HS1BP3: variants seen among roughly 807,000 people sequenced by gnomAD.
HS1BP3 encodes the protein HCLS1-binding protein 3.
In HS1BP3, 32 loss-of-function variants were observed where a neutral mutation model predicts 33.5. That is an observed-to-expected ratio of 0.95 (90% CI 0.72 to 1.28). The LOEUF (loss-of-function observed/expected upper bound fraction) is 1.28. Ranked by LOEUF, HS1BP3 falls within the 50% of genes most tolerant of loss-of-function variation. The pLI is 0.00. For missense variants in HS1BP3, 486 were observed against 502.3 expected (o/e 0.97, Z 0.31); for synonymous variants, 187 against 209.2 (o/e 0.89, Z 0.92).
At chr2:20,558,259 G>T (rs1157752551), downstream of HS1BP3, among the ~76,000 whole-genome samples, 2 of 152,194 alleles carry the variant, frequency 1.3e-5, no homozygotes, top group African/African-American at 4.8e-5. Flanking sequence ...GTTGACGGTG[G>T]GTGGGGAAGG....
intron 3 of HS1BP3, among the ~76,000 whole-genome samples, chr2:20,596,127 C>T (rs1693937665): frequency 6.6e-6 from 1 of 152,164 alleles, no homozygotes; most frequent in African/African-American, 2.4e-5. Context: ...ATTTCTAAAG[C>T]TCTCACAACT....
chr2:20,592,668 C>G (rs760122410), exon 4 of HS1BP3: 1 of 152,448 alleles, frequency 6.6e-6, no homozygotes, highest in Non-Finnish European at 1.5e-5. Context: ...ACCCTGCGCC[C>G]TCAGAGGGTC....
the HS1BP3 span, among the ~76,000 whole-genome samples, chr2:20,555,385 T>A: frequency 6.6e-6 from 1 of 152,180 alleles, no homozygotes; most frequent in Non-Finnish European, 1.5e-5. Context: ...CAGAAATGAT[T>A]AAGAATGACA....
chr2:20,574,890 C>T (rs1693363162), intron 5 of HS1BP3, among the ~76,000 whole-genome samples: 1 of 152,164 alleles, frequency 6.6e-6, no homozygotes, highest in Non-Finnish European at 1.5e-5. Context: ...ATCTACTAAC[C>T]GTGGAACTGT....
intron 3 of HS1BP3, chr2:20,598,126 C>T (rs13406282): frequency 0.016 from 3,115 of 190,260 alleles, 106 homozygotes; most frequent in African/African-American, 0.069. Flanking sequence ...TTCGGGATGA[C>T]TCAAGCACAT....
intron 5 of HS1BP3, among the ~76,000 whole-genome samples, chr2:20,580,988 T>C (rs1026100346): frequency 9.2e-5 from 14 of 152,226 alleles, no homozygotes; most frequent in African/African-American, 2.4e-4. Flanking sequence ...TAGTGTCCCA[T>C]GCAGATGCCA....
chr2:20,630,533 T>C (rs1694937719), intron 4 of HS1BP3, among the ~76,000 whole-genome samples: 1 of 152,226 alleles, frequency 6.6e-6, no homozygotes, highest in African/African-American at 2.4e-5. Flanking sequence ...CCTCTCAAAG[T>C]CCTGGGATTA....
At chr2:20,576,571 C>A (rs190593849) in intron 5 of HS1BP3, among the ~76,000 whole-genome samples, 2 of 152,368 alleles carry the variant, frequency 1.3e-5, no homozygotes, top group African/African-American at 4.8e-5. Context: ...ACACGACCTT[C>A]TCTCTAAAGT....
chr2:20,636,467 GGACGAACCACCT>G (rs1695134046), intron 4 of HS1BP3: 1 of 152,306 alleles, frequency 6.6e-6, no homozygotes, highest in East Asian at 1.9e-4. Context: ...GCAGGAACGT[GGACGAACCACCT>G]GACCCTGAAC....
chr2:20,611,316 C>T lies in HS1BP3; in HGVS notation c.178+12580G>A, dbSNP rs560197285. Reference sequence around the variant, plus strand: ...GGCTTCTTTTCGAAGGAAGGGGGAACGCTGGCTCACTCCCTCCCAAAGTGA... The same window carrying T: ...GGCTTCTTTTCGAAGGAAGGGGGAATGCTGGCTCACTCCCTCCCAAAGTGA... On this transcript the variant is annotated intron_variant, in intron 2 of 3. Transcript: ENST00000415264. The surrounding 1 kb of genome is among the most constrained non-coding windows in gnomAD (Gnocchi z 4.9). Among the ~76,000 whole-genome samples, 26 of 152,244 alleles carry T rather than the reference C, an allele frequency of 1.7e-4. No homozygotes were observed. The highest frequency in any genetic ancestry group is 5.1e-4 in the African/African-American group (21 of 41,534).
intron 4 of HS1BP3, among the ~76,000 whole-genome samples, chr2:20,628,809 A>G (rs1694874956): frequency 1.3e-5 from 2 of 152,170 alleles, no homozygotes; most frequent in African/African-American, 4.8e-5. Flanking sequence ...TCTTGGGTAC[A>G]GGACCTGAGA....
In HS1BP3 at chr2:20,595,414, ATCC is replaced by A. The variant is rs530088537; in HGVS notation, c.*13-2623_*13-2621del. On this transcript the variant is annotated intron_variant, in intron 3 of 3. Coordinates refer to the HS1BP3 transcript ENST00000415264. ...CACTCACCAGGAGCAGAACCCTATCATCCTCCTCCTCCTCACAGTGACTCCTGC... is the reference window on the plus strand; with the variant it reads ...CACTCACCAGGAGCAGAACCCTATCATCCTCCTCCTCACAGTGACTCCTGC... Among the ~76,000 whole-genome samples, 21 of 152,216 alleles carry A rather than the reference ATCC, an allele frequency of 1.4e-4. 1 individual carries two copies. In the East Asian group the frequency reaches 4.1e-3, roughly 29 times the overall value.
At chr2:20,628,634 C>CA (rs113028995) in intron 4 of HS1BP3, among the ~76,000 whole-genome samples, 57,887 of 137,392 alleles carry the variant, frequency 0.42, 11,939 homozygotes, top group East Asian at 0.73. Context: ...GACTTTGTCT[C>CA]AAAAAAAAAA....
At chr2:20,629,726 G>A (rs1299446161) in intron 4 of HS1BP3, among the ~76,000 whole-genome samples, 1 of 152,240 alleles carries the variant, frequency 6.6e-6, no homozygotes, top group Non-Finnish European at 1.5e-5. Flanking sequence ...TGTGTGCATG[G>A]ACAGACACCC....
At position 20,595,587 on chromosome 2, in the gene HS1BP3, C is replaced by T. The variant is rs543047505; in HGVS notation, c.*12+2621G>A. ...CCACAGCCCGTGCCTGCCTGCCTGA[C>T]TCTCTGCGAAGGGACTGCAGCCTGC... On this transcript the variant is annotated intron_variant, in intron 3 of 3. Coordinates refer to the HS1BP3 transcript ENST00000415264. Among the ~76,000 whole-genome samples, 18 of 152,370 alleles carry T rather than the reference C, an allele frequency of 1.2e-4. No individual in the cohort carries two copies. In the South Asian group the frequency reaches 3.5e-3, roughly 30 times the overall value.
At chr2:20,582,161 G>A (rs1473039731) in intron 5 of HS1BP3, among the ~76,000 whole-genome samples, 1 of 152,238 alleles carries the variant, frequency 6.6e-6, no homozygotes, top group African/African-American at 2.4e-5. Flanking sequence ...TTTATGCAGG[G>A]TGTGACCACC....
At chr2:20,621,182 A>G (rs138577000) in intron 6 of HS1BP3, among the ~76,000 whole-genome samples, 80 of 152,336 alleles carry the variant, frequency 5.3e-4, no homozygotes, top group African/African-American at 1.7e-3. Flanking sequence ...TCTGATCAGG[A>G]CAACTCCTGG....
intron 5 of HS1BP3, among the ~76,000 whole-genome samples, chr2:20,572,743 G>A (rs1053243240): frequency 4.6e-5 from 7 of 152,134 alleles, no homozygotes; most frequent in Non-Finnish European, 7.4e-5. Context: ...ACTGGAGCCC[G>A]GGGATCAGCT....
chr2:20,608,574 CAAAAAA>C (rs60486220), intron 2 of HS1BP3, among the ~76,000 whole-genome samples: 2 of 96,384 alleles, frequency 2.1e-5, no homozygotes, highest in Non-Finnish European at 2.1e-5. Context: ...AACTCCGTCT[CAAAAAA>C]AAAAAAAAAA....
Sources: gnomAD v4.1 joint callset for allele counts (sites outside exome capture counted in the v4.1 genomes callset) on GRCh38, gnomAD v4.1.1 for gene constraint, Gnocchi (gnomAD v3.1) non-coding constraint, MANE v1.5 for transcripts, NCBI Gene and HGNC (gene_info 2026-07-23, HGNC 2026-07-21) for gene names.